The following COLEC12 variants were observed in gnomAD, a reference collection of about 807,000 sequenced individuals.
COLEC12 encodes the protein collectin subfamily member 12.
In COLEC12, 33 loss-of-function variants were observed where a neutral mutation model predicts 71.1. The ratio of observed to expected loss-of-function variants is 0.46; its 90% CI spans 0.35 to 0.62. COLEC12 has a LOEUF of 0.62. Ranked by LOEUF, COLEC12 falls within the 20% of genes least tolerant of loss-of-function variation. The pLI is 0.00. For missense variants in COLEC12, 765 were observed against 916.1 expected (o/e 0.84, Z 2.13); for synonymous variants, 350 against 353.0 (o/e 0.99, Z 0.10).
chr18:335,586 T>G (rs1914101518), intron 5 of COLEC12, among the ~76,000 whole-genome samples: 1 of 152,054 alleles, frequency 6.6e-6, no homozygotes, highest in Non-Finnish European at 1.5e-5. Flanking sequence ...AGAGGAAAGA[T>G]CGCTTGAGGG....
intron 1 of COLEC12, among the ~76,000 whole-genome samples, chr18:488,689 A>G (rs934043838): frequency 6.6e-6 from 1 of 152,028 alleles, no homozygotes; most frequent in Non-Finnish European, 1.5e-5. Context: ...CCTGGCCAAC[A>G]TGGTGAAACC....
intron 2 of COLEC12, among the ~76,000 whole-genome samples, chr18:472,524 A>T (rs1917217415): frequency 1.3e-5 from 2 of 151,690 alleles, no homozygotes; most frequent in Admixed American, 6.6e-5. Flanking sequence ...TACAGAAAAA[A>T]ATTTTTTTAA....
chr18:339,215 T>C (rs1297971028), intron 5 of COLEC12, among the ~76,000 whole-genome samples: 1 of 152,280 alleles, frequency 6.6e-6, no homozygotes, highest in African/African-American at 2.4e-5. Context: ...TCTCCCTTCC[T>C]CTCCTGACAT....
Position 395,103 on chromosome 18 carries a change from G to A in COLEC12, c.59-37581C>T, listed in dbSNP as rs1478328940. Among the ~76,000 whole-genome samples, 114 of 152,344 alleles carry A rather than the reference G, an allele frequency of 7.5e-4. 1 individual carries two copies. The highest frequency in any genetic ancestry group is 1.9e-4 in the East Asian group (1 of 5,186). On this transcript the variant is annotated intron_variant, in intron 2 of 9. Coordinates refer to ENST00000400256, the MANE Select transcript of COLEC12 (RefSeq NM_130386.3). ...AACACTCTGGGAAAGCCTAACATCT[G>A]TTGATCCAGTTGCTGGAAGGAGACA...
rs199849901 is a variant in COLEC12, at chr18:453,033, C to T, written c.58+27674G>A. Among the ~76,000 whole-genome samples, 11 of 152,376 alleles carry T rather than the reference C, an allele frequency of 7.2e-5. No individual in the cohort carries two copies. In the East Asian group the frequency reaches 1.5e-3, roughly 21 times the overall value. On this transcript the variant is annotated intron_variant, in intron 2 of 9. Transcript: ENST00000400256. The stretch of plus-strand genomic sequence containing the variant: ...AACCAGAGTCATCTTTTATTACACA[C>T]TGCCAAGTCCATCTTCTGATACACA...
At chr18:467,544 T>C (rs1004725364) in intron 2 of COLEC12, among the ~76,000 whole-genome samples, 2 of 152,254 alleles carry the variant, frequency 1.3e-5, no homozygotes, top group Non-Finnish European at 2.9e-5. Flanking sequence ...AAATTTCATA[T>C]GATAAATGTA....
intron 8 of COLEC12, among the ~76,000 whole-genome samples, chr18:329,991 C>T (rs540160462): frequency 4.6e-5 from 7 of 152,184 alleles, no homozygotes; most frequent in Admixed American, 1.3e-4. Flanking sequence ...GTGGGAGGAT[C>T]GCTTGAGCTG....
intron 8 of COLEC12, among the ~76,000 whole-genome samples, chr18:331,038 TC>T (rs1913967879): frequency 6.6e-6 from 1 of 151,196 alleles, no homozygotes; most frequent in South Asian, 2.1e-4. Flanking sequence ...CGCCACCATA[TC>T]CGGCTAATTT....
rs1913893840 is a variant in COLEC12, at chr18:328,377, C to T, written c.2063+3291G>A. On this transcript the variant is annotated intron_variant, in intron 8 of 9. Transcript: ENST00000400256. ...TAGGAGACCCTTGAGAGCCTGAAGCCCAGTCCCCATTCCCAGGCCATGCAG... is the reference window on the plus strand; with the variant it reads ...TAGGAGACCCTTGAGAGCCTGAAGCTCAGTCCCCATTCCCAGGCCATGCAG... Among the ~76,000 whole-genome samples, 4 of 152,086 alleles carry T rather than the reference C, an allele frequency of 2.6e-5. No individual in the cohort carries two copies. In the South Asian group the frequency reaches 8.3e-4, roughly 32 times the overall value.
chr18:354,648 A>G (rs1050979288), intron 3 of COLEC12, among the ~76,000 whole-genome samples: 18 of 152,200 alleles, frequency 1.2e-4, no homozygotes, highest in African/African-American at 4.3e-4. Flanking sequence ...TCTTACCAGC[A>G]AGAAAGAGGA....
At chr18:423,346 T>C (rs1403680834) in intron 2 of COLEC12, among the ~76,000 whole-genome samples, 2 of 152,200 alleles carry the variant, frequency 1.3e-5, no homozygotes, top group Non-Finnish European at 2.9e-5. Context: ...AATACAAAAA[T>C]GAAGATGTGA....
chr18:368,345 G>A (rs187563853), intron 2 of COLEC12, among the ~76,000 whole-genome samples: 60 of 152,326 alleles, frequency 3.9e-4, no homozygotes, highest in African/African-American at 1.2e-3. Flanking sequence ...GGCCAAGGTG[G>A]GTGGATCACT....
intron 2 of COLEC12, among the ~76,000 whole-genome samples, chr18:379,581 C>A (rs1915187717): frequency 6.6e-6 from 1 of 152,098 alleles, no homozygotes; most frequent in South Asian, 2.1e-4. Context: ...GACCTAACTT[C>A]AGTGTGATCA....
chr18:439,264 C>T (rs1450449189), intron 2 of COLEC12, among the ~76,000 whole-genome samples: 1 of 152,146 alleles, frequency 6.6e-6, no homozygotes, highest in African/African-American at 2.4e-5. Context: ...ATAGTCTTTG[C>T]TTTATTCAGA....
At chr18:498,062 G>C (rs567083664) in intron 1 of COLEC12, among the ~76,000 whole-genome samples, 1 of 152,058 alleles carries the variant, frequency 6.6e-6, no homozygotes, top group South Asian at 2.1e-4. Context: ...CAAGCCACAC[G>C]GGGTAACTGA....
intron 1 of COLEC12, among the ~76,000 whole-genome samples, chr18:483,260 C>T (rs565900103): frequency 2.1e-3 from 321 of 152,074 alleles, no homozygotes; most frequent in Non-Finnish European, 2.9e-3. Context: ...ATTAGCCGGG[C>T]GTGGTGGCAG....
chr18:404,528 A>G (rs1915748563), intron 2 of COLEC12, among the ~76,000 whole-genome samples: 1 of 152,184 alleles, frequency 6.6e-6, no homozygotes, highest in Non-Finnish European at 1.5e-5. Flanking sequence ...AAGTGGGACG[A>G]AGGGTGGTGT....
Position 319,865 on chromosome 18 carries a change from T to A in COLEC12, c.*180A>T. The A allele has an allele frequency of 1.6e-6, 1 of 611,016 alleles. No individual in the cohort carries two copies. The allele number at this position is 611,016 out of a possible 1,614,324, so 37.8% of individuals were successfully genotyped here. A position where few individuals can be genotyped will look rare whatever the true frequency, so the allele number is the denominator to read the frequency against. On this transcript the variant is annotated 3_prime_UTR_variant, in exon 10 of 10. Coordinates refer to ENST00000400256, the MANE Select transcript of COLEC12 (RefSeq NM_130386.3). ...CAGCATATCACCCTGGGGAACATTT[T>A]AGTTCCCAAGTCTTTGGGTAATGAC...
intron 2 of COLEC12, among the ~76,000 whole-genome samples, chr18:457,741 G>A (rs754082881): frequency 6.6e-6 from 1 of 152,144 alleles, no homozygotes; most frequent in Non-Finnish European, 1.5e-5. Context: ...AGCTGTTTCC[G>A]ACTTTTTGCT....
Sources: gnomAD v4.1 joint callset for allele counts (sites outside exome capture counted in the v4.1 genomes callset) on GRCh38, gnomAD v4.1.1 for gene constraint, MANE v1.5 for transcripts, NCBI Gene and HGNC (gene_info 2026-07-23, HGNC 2026-07-21) for gene names.